RAB28: variants seen among roughly 807,000 people sequenced by gnomAD.
RAB28 encodes ras-related protein Rab-28.
RAB28 carries 24 observed loss-of-function variants against 31.7 expected under a neutral mutation model. The observed-to-expected ratio is 0.76, with a 90% CI of 0.55 to 1.06. RAB28 has a LOEUF of 1.06. Among genes scored for constraint, RAB28 ranks in the 50% least tolerant of loss-of-function variants. The pLI is 0.00. For missense variants in RAB28, 254 were observed against 258.5 expected, an observed-to-expected ratio of 0.98 and a Z score of 0.12; for synonymous variants, 100 against 90.4, an observed-to-expected ratio of 1.11 and a Z score of -0.60.
intron 3 of RAB28, among the ~76,000 whole-genome samples, chr4:13,462,560 T>A (rs1295322355): frequency 6.6e-6 from 1 of 152,220 alleles, no homozygotes; most frequent in East Asian, 1.9e-4. Context: ...AGCCCTAGCA[T>A]ACTTCTGTTA....
chr4:13,443,891 G>C (rs907171693), intron 4 of RAB28, among the ~76,000 whole-genome samples: 3 of 152,004 alleles, frequency 2.0e-5, no homozygotes, highest in Non-Finnish European at 4.4e-5. Flanking sequence ...TTGTTTCTAA[G>C]AGTTCAACTT....
intron 2 of RAB28, among the ~76,000 whole-genome samples, chr4:13,477,780 T>C (rs1272104005): frequency 6.6e-6 from 1 of 151,442 alleles, no homozygotes; most frequent in Non-Finnish European, 1.5e-5. Flanking sequence ...GTCTAAAATA[T>C]TATACTATAA....
At chr4:13,400,486 CTTGTT>C (rs1429288898) in intron 4 of RAB28, among the ~76,000 whole-genome samples, 3 of 151,998 alleles carry the variant, frequency 2.0e-5, no homozygotes, top group Admixed American at 6.6e-5. Context: ...TCATTTAGGT[CTTGTT>C]TTATCATTTG....
chr4:13,454,302 T>C (rs1361252413), intron 4 of RAB28, among the ~76,000 whole-genome samples: 2 of 148,508 alleles, frequency 1.3e-5, no homozygotes, highest in Non-Finnish European at 3.0e-5. Flanking sequence ...CTTTCCTTAT[T>C]ATTCTGAATT....
At chr4:13,480,656 G>C (rs1283631254) in intron 1 of RAB28, among the ~76,000 whole-genome samples, 2 of 151,748 alleles carry the variant, frequency 1.3e-5, no homozygotes, top group Non-Finnish European at 3.0e-5. Flanking sequence ...TGGCAATTTG[G>C]ACACCATAAC....
In RAB28 at chr4:13,484,158, C is replaced by T. The variant is rs2108982247; in HGVS notation, c.-8G>A. On this transcript the variant is annotated 5_prime_UTR_variant, in exon 1 of 7. Coordinates refer to ENST00000330852, the MANE Select transcript of RAB28 (RefSeq NM_001017979.3). ...CTCCTCAGAGTCCGACATGGTGTCC[C>T]GGGAACCAGGCCCGCCCCTCGAGGT... 6.3e-7 allele frequency: 1 copy of T among 1,575,942 alleles called. No individual in the cohort carries two copies. Among genetic ancestry groups the T allele is most frequent in the Non-Finnish European group, 8.6e-7 (1 of 1,160,162 alleles).
intron 4 of RAB28, among the ~76,000 whole-genome samples, chr4:13,458,275 T>A (rs1304306491): frequency 6.6e-6 from 1 of 151,920 alleles, no homozygotes; most frequent in Non-Finnish European, 1.5e-5. Context: ...CTCAGAGAAA[T>A]GACATTCACA....
intron 4 of RAB28, among the ~76,000 whole-genome samples, chr4:13,391,605 C>A (rs938350869): frequency 6.6e-6 from 1 of 152,144 alleles, no homozygotes; most frequent in Non-Finnish European, 1.5e-5. Flanking sequence ...CATATGCACA[C>A]GTATGTTTAT....
intron 4 of RAB28, among the ~76,000 whole-genome samples, chr4:13,390,120 C>G (rs1729560052): frequency 6.6e-6 from 1 of 152,138 alleles, no homozygotes; most frequent in Admixed American, 6.5e-5. Flanking sequence ...TCAAATTGTT[C>G]CTGTTTGCAG....
At chr4:13,421,871 C>T (rs1271580214) in intron 4 of RAB28, among the ~76,000 whole-genome samples, 6 of 152,116 alleles carry the variant, frequency 3.9e-5, no homozygotes, top group African/African-American at 9.7e-5. Context: ...ACACCAAAAG[C>T]GATGGCAGCA....
chr4:13,484,123 C>T lies in RAB28; in HGVS notation c.28G>A (p.Asp10Asn), dbSNP rs1473005582. 2.5e-6 allele frequency: 4 copies of T among 1,598,166 alleles called. No homozygotes were observed. The highest frequency in any genetic ancestry group is 2.7e-5 in the African/African-American group (2 of 74,604). ...AGCACGACGATTTTCAGTTGCCGGT[C>T]CTGGCTCTCCTCCTCAGAGTCCGAC... MSDSEEESQ[D>N]RQLKIVVLGD... is the part of the protein sequence containing the mutation. The change falls in exon 1 of 7, where the codon GAC (aspartate) becomes AAC (asparagine). Residue 10 changes from aspartate to asparagine, a missense_variant. Asp to Asn is a conservative substitution (Grantham distance 23, BLOSUM62 1). Transcript: ENST00000330852.
chr4:13,391,821 C>T (rs1276783552), intron 4 of RAB28, among the ~76,000 whole-genome samples: 1 of 151,840 alleles, frequency 6.6e-6, no homozygotes, highest in South Asian at 2.1e-4. Context: ...AACTGAACAC[C>T]GCATGTTCTC....
At chr4:13,412,877 G>A (rs552081558) in intron 4 of RAB28, among the ~76,000 whole-genome samples, 15 of 152,100 alleles carry the variant, frequency 9.9e-5, no homozygotes, top group Non-Finnish European at 2.1e-4. Context: ...GATGAAACCT[G>A]AGCAAATAGC....
At chr4:13,385,672 A>G (rs1031008028) in intron 4 of RAB28, among the ~76,000 whole-genome samples, 13 of 152,190 alleles carry the variant, frequency 8.5e-5, no homozygotes, top group African/African-American at 3.1e-4. Context: ...AAGAGCTCCT[A>G]AAGGAAGCAG....
intron 4 of RAB28, among the ~76,000 whole-genome samples, chr4:13,409,113 G>A (rs969218746): frequency 1.3e-5 from 2 of 152,052 alleles, no homozygotes; most frequent in Admixed American, 1.3e-4. Flanking sequence ...AATCTCATGT[G>A]GGGTCAAAAG....
At chr4:13,432,272 C>A (rs1430103960) in intron 4 of RAB28, among the ~76,000 whole-genome samples, 4 of 151,952 alleles carry the variant, frequency 2.6e-5, no homozygotes, top group Admixed American at 2.6e-4. Context: ...ACAAAGCCTT[C>A]AAGAAATATG....
At chr4:13,444,598 G>A (rs1714602748) in intron 4 of RAB28, among the ~76,000 whole-genome samples, 1 of 152,166 alleles carries the variant, frequency 6.6e-6, no homozygotes, top group Non-Finnish European at 1.5e-5. Context: ...TCCCATAATG[G>A]CTGTACTAAT....
chr4:13,476,703 A>G (rs1251939570), intron 2 of RAB28, among the ~76,000 whole-genome samples: 2 of 151,472 alleles, frequency 1.3e-5, no homozygotes, highest in Non-Finnish European at 3.0e-5. Flanking sequence ...ATACCTATAA[A>G]GCTATATAAG....
chr4:13,402,890 T>C (rs1011958742), intron 4 of RAB28, among the ~76,000 whole-genome samples: 2 of 152,010 alleles, frequency 1.3e-5, no homozygotes, highest in Admixed American at 6.6e-5. Flanking sequence ...TGCCTCCCAG[T>C]CTCAAGCTAT....
Sources: allele counts gnomAD v4.1 joint callset (sites outside exome capture counted in the v4.1 genomes callset), GRCh38; gene constraint gnomAD v4.1.1; transcripts MANE v1.5; gene names NCBI Gene and HGNC (gene_info 2026-07-23, HGNC 2026-07-21).